The following SLC39A11 variants were observed in gnomAD, a reference collection of about 807,000 sequenced individuals.
The protein encoded by SLC39A11 is solute carrier family 39 member 11, also known as zinc transporter ZIP11.
In SLC39A11, 33 loss-of-function variants were observed where a neutral mutation model predicts 36.1. The observed-to-expected ratio is 0.91, with a 90% confidence interval of 0.69 to 1.22. The LOEUF is 1.22. Among genes scored for constraint, SLC39A11 ranks in the 50% most tolerant of loss-of-function variants. SLC39A11 has a pLI of 0.00. For missense variants in SLC39A11, 432 were observed against 430.3 expected (o/e 1.00, Z -0.03); for synonymous variants, 166 against 170.3 (o/e 0.97, Z 0.20).
intron 7 of SLC39A11, among the ~76,000 whole-genome samples, chr17:72,655,361 A>C (rs1316943804): frequency 3.3e-5 from 5 of 152,232 alleles, no homozygotes; most frequent in Admixed American, 3.3e-4. Context: ...CACCTGCATC[A>C]GCTCCAGAGT....
chr17:72,828,666 C>T (rs1050688489), intron 6 of SLC39A11, among the ~76,000 whole-genome samples: 10 of 152,188 alleles, frequency 6.6e-5, no homozygotes, highest in African/African-American at 1.9e-4. Context: ...GGGGGGTTTT[C>T]GCACCTGTGG....
intron 7 of SLC39A11, among the ~76,000 whole-genome samples, chr17:72,728,052 A>C (rs527815820): frequency 1.4e-4 from 21 of 152,210 alleles, no homozygotes; most frequent in Non-Finnish European, 2.2e-4. Context: ...GGCACAAGCA[A>C]GAGGTCATAA....
At position 72,689,703 on chromosome 17, in the gene SLC39A11, T is replaced by A. The variant is rs540455887; in HGVS notation, c.672-40435A>T. 2.0e-5 allele frequency among the ~76,000 whole-genome samples: 3 copies of A among 152,242 alleles called. No individual in the cohort carries two copies. The East Asian group carries it at 5.8e-4, about 29-fold the overall frequency. On this transcript the variant is annotated intron_variant, in intron 7 of 9. Transcript: ENST00000255559. ...AAGCAGCCAGACACGAACGGTCACA[T>A]ATTGTACGATTCCACTGACATGACA...
intron 6 of SLC39A11, among the ~76,000 whole-genome samples, chr17:72,834,633 CAATAAAATAAAATAA>C (rs139007121): frequency 6.7e-6 from 1 of 148,208 alleles, no homozygotes; most frequent in Non-Finnish European, 1.5e-5. Context: ...ATAAACAAAA[CAATAAAATAAAATAA>C]AATAAAATAA....
intron 6 of SLC39A11, among the ~76,000 whole-genome samples, chr17:72,794,125 G>A (rs1227449331): frequency 6.6e-6 from 1 of 152,138 alleles, no homozygotes; most frequent in Non-Finnish European, 1.5e-5. Context: ...ATGAGATTTT[G>A]CACCTTGGAG....
intron 4 of SLC39A11, among the ~76,000 whole-genome samples, chr17:72,996,263 G>A (rs1036826453): frequency 3.3e-5 from 5 of 152,158 alleles, no homozygotes; most frequent in African/African-American, 4.8e-5. Context: ...CTCCGTGGCC[G>A]CTTGAACGTT....
intron 5 of SLC39A11, among the ~76,000 whole-genome samples, chr17:72,911,958 T>G (rs2083030007): frequency 6.6e-6 from 1 of 152,068 alleles, no homozygotes. Context: ...TTTGGAAATT[T>G]CTAACAAGCA....
At chr17:73,065,389 A>G (rs2059969241) in intron 3 of SLC39A11, among the ~76,000 whole-genome samples, 1 of 152,198 alleles carries the variant, frequency 6.6e-6, no homozygotes, top group African/African-American at 2.4e-5. Flanking sequence ...TGGGCAACAG[A>G]GCGAGACTCC....
chr17:73,032,310 G>A lies in SLC39A11; in HGVS notation c.148-596C>T, dbSNP rs182666173. Among the ~76,000 whole-genome samples the A allele has an allele frequency of 1.1e-3, 169 of 151,852 alleles. No homozygotes were observed. The East Asian group carries it at 0.018, about 16-fold the overall frequency. ...CAACCTCCACCTCCCGGGTTCAAGT[G>A]ATTTTCCTGCCTCAGCCTCCTGAGT... On this transcript the variant is annotated intron_variant, in intron 3 of 9. Coordinates refer to ENST00000255559, the MANE Select transcript of SLC39A11 (RefSeq NM_139177.4).
intron 7 of SLC39A11, among the ~76,000 whole-genome samples, chr17:72,683,391 A>C (rs894530833): frequency 2.0e-5 from 3 of 146,844 alleles, no homozygotes; most frequent in African/African-American, 7.6e-5. Flanking sequence ...GCTAGAGTGC[A>C]GTGGCACAGT....
At chr17:73,048,139 G>A (rs555982417) in intron 3 of SLC39A11, among the ~76,000 whole-genome samples, 1 of 151,330 alleles carries the variant, frequency 6.6e-6, no homozygotes, top group Admixed American at 6.6e-5. Flanking sequence ...CTGCACCCAG[G>A]TAGTGACCAC....
At position 72,649,226 on chromosome 17, in the gene SLC39A11, G is replaced by C. The variant is rs2069731078; in HGVS notation, c.714C>G (p.Gly238=). The change falls in exon 8 of 10, where the codon GGC becomes GGG. Residue 238 remains glycine, a synonymous_variant. Transcript: ENST00000255559. ...CTCGCAAGGGAAGGCTGACAGCCAG[G>C]CCCTCGGGGAAATTCTGGATCCCGA... The part of the protein sequence containing the change: ...IGIGIQNFPE[G]LAVSLPLRGA... 6.2e-6 allele frequency: 10 copies of C among 1,614,242 alleles called. No individual in the cohort carries two copies. The highest frequency in any genetic ancestry group is 8.5e-6 in the Non-Finnish European group (10 of 1,180,036).
At chr17:72,805,917 T>TC in intron 6 of SLC39A11, among the ~76,000 whole-genome samples, 1 of 151,910 alleles carries the variant, frequency 6.6e-6, no homozygotes, top group South Asian at 2.1e-4. Flanking sequence ...CCCAGCTAAT[T>TC]TTTTTTTGTA....
At chr17:72,694,467 T>C (rs984863733) in intron 7 of SLC39A11, among the ~76,000 whole-genome samples, 9 of 152,216 alleles carry the variant, frequency 5.9e-5, no homozygotes, top group South Asian at 2.1e-4. Flanking sequence ...GACATCACGA[T>C]ACCCGGATCT....
At chr17:72,821,287 G>C (rs1367348730) in intron 6 of SLC39A11, among the ~76,000 whole-genome samples, 1 of 150,408 alleles carries the variant, frequency 6.6e-6, no homozygotes, top group African/African-American at 2.4e-5. Context: ...TGGATCACCT[G>C]AGGTCGGAAA....
intron 3 of SLC39A11, among the ~76,000 whole-genome samples, chr17:73,062,302 A>C (rs1318056238): frequency 6.6e-6 from 1 of 151,418 alleles, no homozygotes; most frequent in Non-Finnish European, 1.5e-5. Context: ...TCTATAAAAA[A>C]AAATACAAAA....
chr17:72,773,117 A>G (rs1160934322), intron 6 of SLC39A11, among the ~76,000 whole-genome samples: 1 of 152,174 alleles, frequency 6.6e-6, no homozygotes, highest in Non-Finnish European at 1.5e-5. Context: ...AGAAAGAAAA[A>G]GAAATGCACA....
At chr17:73,011,416 C>T (rs2090508495) in intron 4 of SLC39A11, among the ~76,000 whole-genome samples, 1 of 152,100 alleles carries the variant, frequency 6.6e-6, no homozygotes, top group African/African-American at 2.4e-5. Context: ...TAGAGGAGCC[C>T]TTGAAGGGGT....
intron 7 of SLC39A11, among the ~76,000 whole-genome samples, chr17:72,686,366 C>T (rs1188249922): frequency 1.3e-5 from 2 of 152,200 alleles, no homozygotes; most frequent in Admixed American, 1.3e-4. Flanking sequence ...ACAGACCTTC[C>T]AGAAGCTGAC....
Sources: gnomAD v4.1 joint callset for allele counts (sites outside exome capture counted in the v4.1 genomes callset) on GRCh38, gnomAD v4.1.1 for gene constraint, MANE v1.5 for transcripts, NCBI Gene and HGNC (gene_info 2026-07-23, HGNC 2026-07-21) for gene names.